Variants in NFKB1 observed in about 807,000 individuals in gnomAD.
The protein encoded by NFKB1 is nuclear factor NF-kappa-B p105 subunit.
A neutral mutation model predicts 105.1 loss-of-function variants in NFKB1; 9 were observed. The ratio of observed to expected loss-of-function variants is 0.09; its 90% CI spans 0.05 to 0.15. NFKB1 has a LOEUF of 0.15. Among genes scored for constraint, NFKB1 ranks in the 10% least tolerant of loss-of-function variants. The probability of loss-of-function intolerance (pLI) is 1.00; values close to 1 mark genes in which losing one functional copy is unlikely to be tolerated. For missense variants in NFKB1, 830 were observed against 1,203.7 expected, an observed-to-expected ratio of 0.69 and a Z score of 4.59; for synonymous variants, 440 against 442.2, an observed-to-expected ratio of 1.00 and a Z score of 0.06.
At chr4:102,615,254 C>T (rs1322472110) in intron 23 of NFKB1, among the ~76,000 whole-genome samples, 4 of 152,228 alleles carry the variant, frequency 2.6e-5, no homozygotes, top group East Asian at 1.9e-4. Context: ...TGTGTCCCTG[C>T]TTTACTCGTT....
intron 7 of NFKB1, chr4:102,578,648 C>T (rs962244020): frequency 5.2e-5 from 27 of 520,054 alleles, no homozygotes; most frequent in East Asian, 4.2e-4. Flanking sequence ...ATCTGATACA[C>T]GGAAGAGAGT....
At chr4:102,552,622 A>T (rs546198152) in intron 5 of NFKB1, among the ~76,000 whole-genome samples, 1 of 152,304 alleles carries the variant, frequency 6.6e-6, no homozygotes, top group African/African-American at 2.4e-5. Context: ...TTATAGGACA[A>T]TTACAATTTT....
At chr4:102,552,930 T>C (rs2149146084) in intron 5 of NFKB1, among the ~76,000 whole-genome samples, 2 of 152,260 alleles carry the variant, frequency 1.3e-5, no homozygotes, top group Middle Eastern at 3.4e-3. Flanking sequence ...ACACTTAGAT[T>C]GTGTTCTCTT....
chr4:102,567,429 A>C (rs973325122), intron 6 of NFKB1, among the ~76,000 whole-genome samples: 3 of 152,234 alleles, frequency 2.0e-5, no homozygotes, highest in Non-Finnish European at 4.4e-5. Context: ...TTGACCTACA[A>C]GGTATTTGTG....
At chr4:102,571,656 A>G (rs1376095514) in intron 6 of NFKB1, among the ~76,000 whole-genome samples, 2 of 152,238 alleles carry the variant, frequency 1.3e-5, no homozygotes, top group Non-Finnish European at 2.9e-5. Flanking sequence ...AAACAACCCC[A>G]TCAAAAAGTG....
chr4:102,615,167 T>C (rs534686722), intron 23 of NFKB1, among the ~76,000 whole-genome samples: 32 of 152,338 alleles, frequency 2.1e-4, no homozygotes, highest in African/African-American at 7.5e-4. Flanking sequence ...CTTCAGTTCA[T>C]TCAGTCATTC....
chr4:102,609,481 A>G (rs1728184490), intron 19 of NFKB1, among the ~76,000 whole-genome samples: 1 of 151,904 alleles, frequency 6.6e-6, no homozygotes. Flanking sequence ...GCGTGGTGGC[A>G]TGCATCTGTA....
intron 1 of NFKB1, among the ~76,000 whole-genome samples, chr4:102,525,126 A>T (rs1740824518): frequency 6.6e-6 from 1 of 152,176 alleles, no homozygotes; most frequent in Non-Finnish European, 1.5e-5. Context: ...GGGTTAGAAA[A>T]CAATACACTT....
At chr4:102,590,478 G>A (rs1322567774) in intron 11 of NFKB1, among the ~76,000 whole-genome samples, 1 of 152,090 alleles carries the variant, frequency 6.6e-6, no homozygotes, top group Non-Finnish European at 1.5e-5. Context: ...CCCACAGCAT[G>A]TACTCACTTT....
chr4:102,543,593 C>T (rs1721890064), intron 5 of NFKB1, among the ~76,000 whole-genome samples: 1 of 150,108 alleles, frequency 6.7e-6, no homozygotes, highest in Non-Finnish European at 1.5e-5. Flanking sequence ...TGTCCCCTTC[C>T]ACTACTGATT....
At chr4:102,608,736 T>G (rs1728073270) in intron 19 of NFKB1, among the ~76,000 whole-genome samples, 1 of 152,198 alleles carries the variant, frequency 6.6e-6, no homozygotes, top group Admixed American at 6.5e-5. Context: ...AACTTTTTCT[T>G]TGGGACACCA....
At chr4:102,509,905 A>T (rs912205903) in intron 1 of NFKB1, among the ~76,000 whole-genome samples, 1 of 152,160 alleles carries the variant, frequency 6.6e-6, no homozygotes, top group Admixed American at 6.5e-5. Context: ...AAATCGGATC[A>T]TGTCTCTGCA....
At position 102,612,603 on chromosome 4, in the gene NFKB1, T is replaced by C. The variant is rs1236083697; in HGVS notation, c.2589T>C (p.Tyr863=). Residue 863 remains tyrosine, a synonymous_variant, in exon 22 of 24, where the codon TAT becomes TAC. Coordinates refer to ENST00000226574, the MANE Select transcript of NFKB1 (RefSeq NM_003998.4). ...PAPSKTLMDN[Y]EVSGGTVREL... ...CTTCCAAAACACTTATGGACAACTA[T>C]GAGGTAACACCTTACCTTACAGATT... 1 of 1,613,400 alleles carries C rather than the reference T, an allele frequency of 6.2e-7. No homozygotes were observed. Among genetic ancestry groups the C allele is most frequent in the Non-Finnish European group, 8.5e-7 (1 of 1,179,846 alleles).
intron 11 of NFKB1, among the ~76,000 whole-genome samples, chr4:102,585,854 G>C (rs1271350518): frequency 6.6e-6 from 1 of 151,970 alleles, no homozygotes; most frequent in Non-Finnish European, 1.5e-5. Context: ...TAAGTTACTT[G>C]AGGAGCTTAA....
At chr4:102,610,800 C>A in intron 20 of NFKB1, 101 bp downstream of exon 20, 1 of 1,369,164 alleles carries the variant, frequency 7.3e-7, no homozygotes, top group Non-Finnish European at 9.8e-7. Context: ...CCCCAAAGAA[C>A]ATGCCTTTTA....
intron 6 of NFKB1, among the ~76,000 whole-genome samples, chr4:102,571,015 T>C (rs969425431): frequency 6.6e-6 from 1 of 152,160 alleles, no homozygotes; most frequent in South Asian, 2.1e-4. Flanking sequence ...AAAAAGAGCC[T>C]GCATTGCCAA....
At chr4:102,609,641 G>A (rs760122362) in intron 19 of NFKB1, among the ~76,000 whole-genome samples, 4 of 142,292 alleles carry the variant, frequency 2.8e-5, no homozygotes, top group Non-Finnish European at 6.0e-5. Flanking sequence ...AAAAGCGTCA[G>A]TTAAGAGATA....
At chr4:102,545,862 A>G (rs763395450) in intron 5 of NFKB1, among the ~76,000 whole-genome samples, 3 of 152,206 alleles carry the variant, frequency 2.0e-5, no homozygotes, top group African/African-American at 4.8e-5. Flanking sequence ...TAGATATTCA[A>G]TGTATACCGT....
chr4:102,540,207 A>G (rs1000247392), intron 5 of NFKB1, among the ~76,000 whole-genome samples: 1 of 152,214 alleles, frequency 6.6e-6, no homozygotes, highest in African/African-American at 2.4e-5. Context: ...CTATTGCTCT[A>G]GTATTTTGTG....
Sources: gnomAD v4.1 joint callset for allele counts (sites outside exome capture counted in the v4.1 genomes callset) on GRCh38, gnomAD v4.1.1 for gene constraint, MANE v1.5 for transcripts, NCBI Gene and HGNC (gene_info 2026-07-23, HGNC 2026-07-21) for gene names.